The following ENTPD8 variants were observed in gnomAD, a reference collection of about 807,000 sequenced individuals.
The protein encoded by ENTPD8 is E-NTPDase 8.
ENTPD8 carries 35 observed loss-of-function variants against 47.0 expected under a neutral mutation model. The ratio of observed to expected loss-of-function variants is 0.75; its 90% CI spans 0.57 to 0.99. ENTPD8 has a LOEUF of 0.99. Ranked by LOEUF, ENTPD8 falls within the 50% of genes least tolerant of loss-of-function variation. The probability of loss-of-function intolerance (pLI) is 0.00; values close to 1 mark genes in which losing one functional copy is unlikely to be tolerated. For synonymous variants in ENTPD8, 308 were observed against 290.5 expected (o/e 1.06, Z -0.61); for missense variants, 668 against 649.9 (o/e 1.03, Z -0.30).
At position 137,438,890 on chromosome 9, in the gene ENTPD8, C is replaced by T. The variant is rs1337720108; in HGVS notation, c.-20-585G>A. ...GTGATGGGGCCACCCTGTGTCCCCA[C>T]CCCTCGGTCCTGCCTCTCCCGTGCC... On this transcript the variant is annotated intron_variant, in intron 1 of 9. Transcript: ENST00000371506. This position sits in a 1 kb window ranked among gnomAD's most constrained non-coding sequence, Gnocchi z 5.7. 1.3e-5 allele frequency among the ~76,000 whole-genome samples: 2 copies of T among 152,006 alleles called. No individual in the cohort carries two copies. Among genetic ancestry groups the T allele is most frequent in the Admixed American group, 1.3e-4 (2 of 15,274 alleles).
chr9:137,435,248 C>T lies in ENTPD8; in HGVS notation c.1252G>A (p.Gly418Arg), dbSNP rs767073234. ...CTGGGCCAGGTCTCCTCGCTGAACC[C>T]GTAGCCCTCGTGCAGGAGGGTGAGG... Reference protein sequence around the residue: ...YILTLLHEGYGFSEETWPSLE... With the variant: ...YILTLLHEGYRFSEETWPSLE... The change falls in exon 9 of 10, where the codon GGG (glycine) becomes AGG (arginine). Residue 418 changes from glycine to arginine, a missense_variant. By Grantham distance (125) the Gly-to-Arg change is moderately radical. Coordinates refer to ENST00000371506, the MANE Select transcript of ENTPD8 (RefSeq NM_001033113.2). 30 of 1,612,276 alleles carry T rather than the reference C, an allele frequency of 1.9e-5. No homozygotes were observed. The highest frequency in any genetic ancestry group is 9.9e-5 in the South Asian group (9 of 91,092).
chr9:137,435,651 T>A (rs906898073), intron 8 of ENTPD8, 68 bp downstream of exon 8: 93 of 1,454,750 alleles, frequency 6.4e-5, no homozygotes, highest in Non-Finnish European at 8.8e-5. Context: ...GGCTCCAGCA[T>A]CCTGCCCGAG....
chr9:137,435,409 G>C, intron 8 of ENTPD8, 71 bp from the exon 9 acceptor site: 1 of 1,544,842 alleles, frequency 6.5e-7, no homozygotes, highest in Non-Finnish European at 8.7e-7. Flanking sequence ...CGCCCCATCT[G>C]TCCTGGCCAA....
chr9:137,436,254 C>G lies in ENTPD8; in HGVS notation c.809G>C (p.Arg270Pro). 6.3e-7 allele frequency: 1 copy of G among 1,599,472 alleles called. No homozygotes were observed. Among genetic ancestry groups the G allele is most frequent in the Non-Finnish European group, 8.5e-7 (1 of 1,171,068 alleles). ...GTAGCCGCTGAGGTAGCACGGGTGA[C>G]GGAGCAGGGCAGCCGGGCGGCTCTG... ...LVQSRPAALLRHPCYLSGYQT... is the reference protein window; with the variant it reads ...LVQSRPAALLPHPCYLSGYQT... The change falls in exon 7 of 10, where the codon CGT becomes CCT. Residue 270 changes from arginine (R) to proline (P), a missense_variant. By Grantham distance (103) the Arg-to-Pro change is moderately radical (BLOSUM62 -2). Coordinates refer to ENST00000371506, the MANE Select transcript of ENTPD8 (RefSeq NM_001033113.2).
At position 137,435,213 on chromosome 9, in the gene ENTPD8, G is replaced by A. The variant is rs1188880355; in HGVS notation, c.1287C>T (p.Phe429=). The A allele has an allele frequency of 1.2e-6, 2 of 1,611,148 alleles. No homozygotes were observed. Among genetic ancestry groups the A allele is most frequent in the East Asian group, 4.5e-5 (2 of 44,868 alleles). ...CAGGGGAGGCAGTCACCTGCTTTCGGAACTCGAGGCTGGGCCAGGTCTCCT... is the reference window on the plus strand; with the variant it reads ...CAGGGGAGGCAGTCACCTGCTTTCGAAACTCGAGGCTGGGCCAGGTCTCCT... The part of the protein sequence containing the change: ...FSEETWPSLE[F]RKQAGGVDIG... Residue 429 remains phenylalanine, a synonymous_variant, in exon 9 of 10, where the codon TTC becomes TTT. Transcript: ENST00000371506.
chr9:137,436,948 C>T lies in ENTPD8; in HGVS notation c.476G>A (p.Gly159Asp). The T allele has an allele frequency of 6.2e-7, 1 of 1,613,052 alleles. No homozygotes were observed. The highest frequency in any genetic ancestry group is 8.5e-7 in the Non-Finnish European group (1 of 1,179,968). ...VLGRSPVDFWGAELLAGQAEG... is the reference protein window; with the variant it reads ...VLGRSPVDFWDAELLAGQAEG... The stretch of plus-strand genomic sequence containing the variant: ...GGCCTGCCCGGCCAGGAGCTCGGCA[C>T]CCCAAAAGTCCACGGGAGACCGGCC... Residue 159 changes from glycine to aspartate, a missense_variant, in exon 5 of 10, where the codon GGT (glycine) becomes GAT (aspartate). By Grantham distance (94) the Gly-to-Asp change is moderately conservative. Transcript: ENST00000371506.
intron 1 of ENTPD8, among the ~76,000 whole-genome samples, chr9:137,439,660 C>G (rs1205311576): frequency 6.6e-6 from 1 of 152,098 alleles, no homozygotes; most frequent in Non-Finnish European, 1.5e-5. Context: ...CAGCCTGTGT[C>G]CCCAACCAGC....
chr9:137,435,006 C>T lies in ENTPD8; in HGVS notation c.1396G>A (p.Gly466Ser), dbSNP rs770633970. Residue 466 changes from glycine (G) to serine (S), a missense_variant, in exon 10 of 10, where the codon GGC becomes AGC. Transcript: ENST00000371506. Reference protein sequence around the residue: ...APAQWRAESYGVWVAKVVFMV... With the variant: ...APAQWRAESYSVWVAKVVFMV... ...AACACCACTTTGGCCACCCAGACGCCGTAGCTCTCTGCCCGCCACTGAGCC... is the reference window on the plus strand; with the variant it reads ...AACACCACTTTGGCCACCCAGACGCTGTAGCTCTCTGCCCGCCACTGAGCC... The T allele has an allele frequency of 2.6e-5, 42 of 1,612,140 alleles. No homozygotes were observed. In the Admixed American group the frequency reaches 2.8e-4, roughly 11 times the overall value.
In ENTPD8 at chr9:137,438,253, C is replaced by G; in HGVS notation, c.33G>C (p.Leu11Phe). The G allele has an allele frequency of 6.3e-7, 1 of 1,597,524 alleles. No homozygotes were observed. MGLSRKEQVF[L>F]ALLGASGVSG... The stretch of plus-strand genomic sequence containing the variant: ...AGACCCCCGAGGCCCCCAGCAGGGC[C>G]AAGAAGACCTGCTCCTTCCGGGACA... Residue 11 changes from leucine (L) to phenylalanine (F), a missense_variant, in exon 2 of 10, where the codon TTG becomes TTC. Physicochemically the swap from Leu to Phe is conservative, Grantham distance 22. Transcript: ENST00000371506. The surrounding 1 kb of genome is among the most constrained non-coding windows in gnomAD (Gnocchi z 5.7).
Position 137,436,099 on chromosome 9 carries a change from C to A in ENTPD8, c.964G>T (p.Glu322Ter), listed in dbSNP as rs754542903. 15 of 1,612,924 alleles carry A rather than the reference C, an allele frequency of 9.3e-6. No individual in the cohort carries two copies. The highest frequency in any genetic ancestry group is 1.3e-5 in the Non-Finnish European group (15 of 1,179,998). ...TGGCAGCTGGAGAAGTTGAAAAGTT[C>A]CCGGATGGCTGAGACGCAGGCTCCA... Reference protein sequence around the residue: ...NPGACVSAIRELFNFSSCQGQ... With the variant: ...NPGACVSAIR The change falls in exon 7 of 10, where the codon GAA becomes TAA. Residue 322 changes from glutamate to a stop codon, truncating the protein, a stop_gained. Coordinates refer to ENST00000371506, the MANE Select transcript of ENTPD8 (RefSeq NM_001033113.2). LOFTEE classifies it high-confidence loss of function.
At position 137,435,344 on chromosome 9, in the gene ENTPD8, G is replaced by A. The variant is rs753823470; in HGVS notation, c.1162-6C>T. On this transcript the variant is annotated splice_region_variant and splice_polypyrimidine_tract_variant and intron_variant, in intron 8 of 9. Coordinates refer to ENST00000371506, the MANE Select transcript of ENTPD8 (RefSeq NM_001033113.2). The stretch of plus-strand genomic sequence containing the variant: ...CCAGGGTAGCTGGCCTCCACCTGGG[G>A]CCCAGGAGACCAAGAGGCGAGGTGA... 1.2e-6 allele frequency: 2 copies of A among 1,607,532 alleles called. No homozygotes were observed. Among genetic ancestry groups the A allele is most frequent in the Non-Finnish European group, 1.7e-6 (2 of 1,177,576 alleles).
intron 1 of ENTPD8, among the ~76,000 whole-genome samples, chr9:137,440,088 C>T (rs1588481222): frequency 3.1e-5 from 1 of 31,858 alleles, no homozygotes; most frequent in Non-Finnish European, 5.8e-5. Flanking sequence ...ACAGCCCCCC[C>T]AGACCAGGAC....
rs748096393 is a variant in ENTPD8, at chr9:137,436,102, G to T, written c.961C>A (p.Arg321=). The T allele has an allele frequency of 1.2e-6, 2 of 1,613,014 alleles. No individual in the cohort carries two copies. Among genetic ancestry groups the T allele is most frequent in the South Asian group, 1.1e-5 (1 of 91,090 alleles). ...GNPGACVSAI[R]ELFNFSSCQG... ...CAGCTGGAGAAGTTGAAAAGTTCCCGGATGGCTGAGACGCAGGCTCCAGGG... is the reference window on the plus strand; with the variant it reads ...CAGCTGGAGAAGTTGAAAAGTTCCCTGATGGCTGAGACGCAGGCTCCAGGG... Residue 321 remains arginine, a synonymous_variant, in exon 7 of 10, where the codon CGG becomes AGG. Coordinates refer to ENST00000371506, the MANE Select transcript of ENTPD8 (RefSeq NM_001033113.2).
Position 137,434,476 on chromosome 9 carries a change from C to A in ENTPD8, c.*438G>T. The A allele has an allele frequency of 1.6e-6, 2 of 1,254,916 alleles. No individual in the cohort carries two copies. Among genetic ancestry groups the A allele is most frequent in the Non-Finnish European group, 2.2e-6 (2 of 913,398 alleles). 77.7% of individuals were successfully genotyped at this position (1,254,916 alleles called of 1,614,324 possible). On this transcript the variant is annotated 3_prime_UTR_variant, in exon 10 of 10. Transcript: ENST00000371506. ...GAAGCCCCCAGGCCTGGACTCCATC[C>A]ATCTGCTCAGACAACAGCAGGGAGA...
intron 6 of ENTPD8, 25 bp from the exon 7 acceptor site, chr9:137,436,301 C>T: frequency 3.9e-6 from 6 of 1,539,446 alleles, no homozygotes; most frequent in Non-Finnish European, 5.2e-6. Context: ...GAGGCCTGAG[C>T]ACCAGCCGCA....
At chr9:137,436,791 C>G (rs201022191) in intron 5 of ENTPD8, 40 bp from the exon 6 acceptor site, 23 of 1,601,480 alleles carry the variant, frequency 1.4e-5, no homozygotes, top group Non-Finnish European at 1.9e-5. Flanking sequence ...AGCAGCCACC[C>G]GGACCCCGTC....
Position 137,435,309 on chromosome 9 carries a change from G to A in ENTPD8, c.1191C>T (p.Arg397=), listed in dbSNP as rs1839311311. 1 of 1,612,212 alleles carries A rather than the reference G, an allele frequency of 6.2e-7. No individual in the cohort carries two copies. Among genetic ancestry groups the A allele is most frequent in the African/African-American group, 1.3e-5 (1 of 75,050 alleles). The change falls in exon 9 of 10, where the codon CGC becomes CGT. Residue 397 remains arginine, a synonymous_variant. Coordinates refer to ENST00000371506, the MANE Select transcript of ENTPD8 (RefSeq NM_001033113.2). ...LVEASYPGQD[R]WLRDYCASGL... ...CTGAGGCACAGTAGTCCCGCAGCCA[G>A]CGGTCCTGCCCAGGGTAGCTGGCCT...
intron 6 of ENTPD8, 78 bp from the exon 7 acceptor site, chr9:137,436,354 G>A (rs1253375205): frequency 1.4e-6 from 2 of 1,438,066 alleles, no homozygotes; most frequent in East Asian, 3.0e-5. Flanking sequence ...GATGACCCAC[G>A]CCAGCCCCGC....
chr9:137,435,642 G>T, intron 8 of ENTPD8, 77 bp downstream of exon 8: 1 of 1,401,720 alleles, frequency 7.1e-7, no homozygotes, highest in Non-Finnish European at 1.0e-6. Context: ...CCAGAATGAG[G>T]CTCCAGCATC....
Sources: gnomAD v4.1 joint callset for allele counts (sites outside exome capture counted in the v4.1 genomes callset) on GRCh38, gnomAD v4.1.1 for gene constraint, Gnocchi (gnomAD v3.1) non-coding constraint, MANE v1.5 for transcripts, NCBI Gene and HGNC (gene_info 2026-07-23, HGNC 2026-07-21) for gene names.